Variants in SYT1 observed in about 807,000 individuals in gnomAD.
SYT1 encodes the protein synaptotagmin 1.
SYT1 carries 8 observed loss-of-function variants against 44.8 expected under a neutral mutation model. That is an observed-to-expected ratio of 0.18 (90% CI 0.10 to 0.32). SYT1 has a LOEUF of 0.32. Among genes scored for constraint, SYT1 ranks in the 10% least tolerant of loss-of-function variants. The probability of loss-of-function intolerance (pLI) is 1.00; values close to 1 mark genes in which losing one functional copy is unlikely to be tolerated. For missense variants in SYT1, 286 were observed against 509.3 expected, an observed-to-expected ratio of 0.56 and a Z score of 4.22; for synonymous variants, 154 against 188.8, an observed-to-expected ratio of 0.82 and a Z score of 1.51.
chr12:79,330,214 T>C (rs1372261598), intron 8 of SYT1, among the ~76,000 whole-genome samples: 3 of 152,186 alleles, frequency 2.0e-5, no homozygotes, highest in Non-Finnish European at 2.9e-5. Context: ...ATTCAGGAAT[T>C]GTAGCCTGCT....
At chr12:79,349,705 CCCATCA>C (rs1218953543) in intron 8 of SYT1, among the ~76,000 whole-genome samples, 4 of 151,980 alleles carry the variant, frequency 2.6e-5, no homozygotes, top group Non-Finnish European at 5.9e-5. Flanking sequence ...CCTTTTAGTC[CCCATCA>C]CCATAATCCC....
At chr12:79,299,586 C>A in intron 8 of SYT1, 35 bp downstream of exon 8, 1 of 1,600,362 alleles carries the variant, frequency 6.2e-7, no homozygotes, top group Non-Finnish European at 8.5e-7. Flanking sequence ...ACATCACAAG[C>A]TGTACTCGCC....
At chr12:79,374,144 G>A (rs749589618) in intron 9 of SYT1, among the ~76,000 whole-genome samples, 1 of 152,128 alleles carries the variant, frequency 6.6e-6, no homozygotes, top group Admixed American at 6.5e-5. Flanking sequence ...CAGAACAGGG[G>A]CACCTCTGTG....
chr12:78,932,185 A>T (rs1877795971), intron 1 of SYT1, among the ~76,000 whole-genome samples: 1 of 152,244 alleles, frequency 6.6e-6, no homozygotes, highest in Admixed American at 6.5e-5. Context: ...ATATAATCTG[A>T]ATATCAAAAT....
chr12:79,071,986 G>A (rs1052151982), intron 3 of SYT1, among the ~76,000 whole-genome samples: 1 of 152,040 alleles, frequency 6.6e-6, no homozygotes, highest in Non-Finnish European at 1.5e-5. Context: ...CTGGATTTCT[G>A]CCATTCTGAA....
chr12:79,079,400 A>G (rs1876876893), intron 3 of SYT1, among the ~76,000 whole-genome samples: 1 of 152,144 alleles, frequency 6.6e-6, no homozygotes, highest in South Asian at 2.1e-4. Flanking sequence ...TTATAAGAAG[A>G]TTGACATGTA....
intron 9 of SYT1, among the ~76,000 whole-genome samples, chr12:79,402,623 A>G (rs1450513200): frequency 6.6e-6 from 1 of 152,208 alleles, no homozygotes; most frequent in Admixed American, 6.5e-5. Flanking sequence ...AAAGAAGAAA[A>G]GAGAGCAAGC....
In SYT1 at chr12:79,256,546, T is replaced by G. The variant is rs372309921; in HGVS notation, c.167-29241T>G. On this transcript the variant is annotated intron_variant, in intron 4 of 10. Transcript: ENST00000261205. ...TGTGCTAAAAATTACATGAGTTCTA[T>G]TGAATATTTTTATCAAGTCCAGTGA... Among the ~76,000 whole-genome samples the G allele has an allele frequency of 4.6e-5, 7 of 152,296 alleles. 1 individual carries two copies. Among genetic ancestry groups the G allele is most frequent in the Admixed American group, 3.3e-4 (5 of 15,272 alleles).
At chr12:79,170,162 C>A (rs911941712) in intron 3 of SYT1, among the ~76,000 whole-genome samples, 1 of 151,996 alleles carries the variant, frequency 6.6e-6, no homozygotes, top group African/African-American at 2.4e-5. Context: ...TGAACATACA[C>A]ATGCATGAGT....
chr12:79,191,481 A>G (rs1873120373), intron 3 of SYT1, among the ~76,000 whole-genome samples: 1 of 152,172 alleles, frequency 6.6e-6, no homozygotes, highest in African/African-American at 2.4e-5. Context: ...CCTTATAATA[A>G]TGATTCCTGC....
At chr12:79,357,927 G>A (rs1488675067) in intron 9 of SYT1, among the ~76,000 whole-genome samples, 2 of 152,170 alleles carry the variant, frequency 1.3e-5, no homozygotes, top group Admixed American at 1.3e-4. Flanking sequence ...GAAACATTGA[G>A]GCTTCCCAAA....
At chr12:78,900,564 G>T (rs960299674) in intron 1 of SYT1, among the ~76,000 whole-genome samples, 1 of 152,042 alleles carries the variant, frequency 6.6e-6, no homozygotes, top group Non-Finnish European at 1.5e-5. Context: ...TGTTCCAAGG[G>T]AGAGAGCTGA....
chr12:79,239,616 A>G (rs1339907071), intron 4 of SYT1, among the ~76,000 whole-genome samples: 3 of 152,232 alleles, frequency 2.0e-5, no homozygotes, highest in Non-Finnish European at 4.4e-5. Context: ...AAAGTTTGTT[A>G]AAAACATTTG....
In SYT1 at chr12:79,179,393, G is replaced by T. The variant is rs11113081; in HGVS notation, c.-17-38110G>T. Among the ~76,000 whole-genome samples, 39 of 58,540 alleles carry T rather than the reference G, an allele frequency of 6.7e-4. 9 individuals carry two copies. Among genetic ancestry groups the T allele is most frequent in the East Asian group, 1.1e-3 (2 of 1,868 alleles). 38.4% of individuals were successfully genotyped at this position (58,540 alleles called of 152,430 possible). ...ATATAGATATAGATATATCGATATA[G>T]ATATCCATATAGATATAGATATAGA... On this transcript the variant is annotated intron_variant, in intron 3 of 10. Coordinates refer to ENST00000261205, the MANE Select transcript of SYT1 (RefSeq NM_005639.3).
intron 2 of SYT1, among the ~76,000 whole-genome samples, chr12:79,015,957 G>A (rs1326696794): frequency 6.6e-6 from 1 of 152,128 alleles, no homozygotes; most frequent in Non-Finnish European, 1.5e-5. Context: ...TGAAAACAAA[G>A]TGTAATGAGC....
At chr12:78,884,644 A>G (rs926770659) in intron 1 of SYT1, among the ~76,000 whole-genome samples, 7 of 151,270 alleles carry the variant, frequency 4.6e-5, no homozygotes, top group Non-Finnish European at 1.0e-4. Context: ...GCATTTCTAT[A>G]TACATTCAGA....
intron 1 of SYT1, among the ~76,000 whole-genome samples, chr12:78,963,412 C>G (rs1299801328): frequency 6.6e-6 from 1 of 151,800 alleles, no homozygotes; most frequent in Non-Finnish European, 1.5e-5. Flanking sequence ...GTTTGCAAAC[C>G]ATAGATAATG....
chr12:79,360,721 G>A (rs879296673), intron 9 of SYT1, among the ~76,000 whole-genome samples: 1 of 152,164 alleles, frequency 6.6e-6, no homozygotes, highest in African/African-American at 2.4e-5. Context: ...AGGCATGAAT[G>A]TTACAATATA....
chr12:79,402,505 G>C (rs573698288), intron 9 of SYT1, among the ~76,000 whole-genome samples: 1 of 152,154 alleles, frequency 6.6e-6, no homozygotes, highest in East Asian at 1.9e-4. Flanking sequence ...CTCTTGGATG[G>C]GCAGCCTAAG....
Sources: gnomAD v4.1 joint callset for allele counts (sites outside exome capture counted in the v4.1 genomes callset) on GRCh38, gnomAD v4.1.1 for gene constraint, MANE v1.5 for transcripts, NCBI Gene and HGNC (gene_info 2026-07-23, HGNC 2026-07-21) for gene names.